CLDN16: variants seen among roughly 807,000 people sequenced by gnomAD.
CLDN16 encodes claudin-16.
A neutral mutation model predicts 24.6 loss-of-function variants in CLDN16; 13 were observed. The ratio of observed to expected loss-of-function variants is 0.53; its 90% CI spans 0.34 to 0.84. The LOEUF (loss-of-function observed/expected upper bound fraction) is 0.84. Among genes scored for constraint, CLDN16 ranks in the 40% least tolerant of loss-of-function variants. CLDN16 has a pLI of 0.01. For synonymous variants in CLDN16, 116 were observed against 106.7 expected, an observed-to-expected ratio of 1.09 and a Z score of -0.54; for missense variants, 298 against 292.7, an observed-to-expected ratio of 1.02 and a Z score of -0.13.
intron 1 of CLDN16, among the ~76,000 whole-genome samples, chr3:190,401,677 G>A (rs1037724639): frequency 4.6e-5 from 7 of 152,080 alleles, no homozygotes; most frequent in African/African-American, 1.4e-4. Context: ...GATTACAGTC[G>A]TCAAGTTGTA....
At chr3:190,300,174 C>T in the CLDN16 span, among the ~76,000 whole-genome samples, 1,262 of 151,352 alleles carry the variant, frequency 8.3e-3, 22 homozygotes, top group African/African-American at 0.03. Context: ...TGGGGGCGGG[C>T]AGTTTGCTGA....
rs977839144 is a variant in CLDN16, at chr3:190,359,626, T to C, written n.122-11267T>C. 2.6e-5 allele frequency among the ~76,000 whole-genome samples: 4 copies of C among 152,178 alleles called. No individual in the cohort carries two copies. The South Asian group carries it at 8.3e-4, about 32-fold the overall frequency. ...GGATATACAATGCTCAATAAAACCC[T>C]GTTCCTTACAGTCCAATGGTTGAGT... On this transcript the variant is annotated intron_variant and non_coding_transcript_variant, in intron 1 of 4. Transcript: ENST00000468220.
the CLDN16 span, among the ~76,000 whole-genome samples, chr3:190,295,142 G>T: frequency 1.3e-5 from 2 of 152,092 alleles, no homozygotes; most frequent in African/African-American, 4.8e-5. Flanking sequence ...TGCCTACTAA[G>T]TGCCAGGTAC....
chr3:190,324,281 G>A (rs1049962115), intron 1 of CLDN16, among the ~76,000 whole-genome samples: 1 of 152,156 alleles, frequency 6.6e-6, no homozygotes, highest in African/African-American at 2.4e-5. Flanking sequence ...TCAGGAGTTC[G>A]AGATCAGCCT....
chr3:190,321,442 G>A (rs1716918526), upstream of CLDN16, among the ~76,000 whole-genome samples: 1 of 152,086 alleles, frequency 6.6e-6, no homozygotes, highest in Non-Finnish European at 1.5e-5. Flanking sequence ...TCAACCTCAA[G>A]CATAAGCAGA....
the CLDN16 span, among the ~76,000 whole-genome samples, chr3:190,310,524 A>G: frequency 6.6e-6 from 1 of 152,214 alleles, no homozygotes; most frequent in Non-Finnish European, 1.5e-5. Context: ...ACAATTAGGC[A>G]GGTGTATGTT....
At chr3:190,364,234 A>G (rs905460173) in intron 1 of CLDN16, among the ~76,000 whole-genome samples, 13 of 151,908 alleles carry the variant, frequency 8.6e-5, no homozygotes, top group African/African-American at 2.9e-4. Context: ...AGTCTGGGCC[A>G]GATAATAGGA....
At chr3:190,361,279 G>T (rs1577409354) in intron 1 of CLDN16, among the ~76,000 whole-genome samples, 1 of 152,058 alleles carries the variant, frequency 6.6e-6, no homozygotes, top group Non-Finnish European at 1.5e-5. Flanking sequence ...ATCTCAGTTA[G>T]TCCTTAGTGA....
At chr3:190,313,653 C>A in the CLDN16 span, among the ~76,000 whole-genome samples, 1 of 152,100 alleles carries the variant, frequency 6.6e-6, no homozygotes, top group Non-Finnish European at 1.5e-5. Flanking sequence ...AACAAAATAA[C>A]CTTTGAGATG....
At chr3:190,340,615 C>G (rs1337965965) in intron 1 of CLDN16, among the ~76,000 whole-genome samples, 1 of 152,108 alleles carries the variant, frequency 6.6e-6, no homozygotes, top group African/African-American at 2.4e-5. Context: ...GGGACACAAC[C>G]AAACCATATC....
At chr3:190,334,557 T>C (rs1717256340) in intron 1 of CLDN16, among the ~76,000 whole-genome samples, 1 of 152,248 alleles carries the variant, frequency 6.6e-6, no homozygotes, top group Admixed American at 6.5e-5. Context: ...CCCCAGCAAC[T>C]GAATCTTTCC....
intron 1 of CLDN16, among the ~76,000 whole-genome samples, chr3:190,345,865 C>G (rs1234859385): frequency 6.6e-6 from 1 of 152,080 alleles, no homozygotes; most frequent in African/African-American, 2.4e-5. Context: ...ATGTTTATTA[C>G]TGTATTGATT....
At chr3:190,332,456 G>A (rs1487792146) in intron 1 of CLDN16, among the ~76,000 whole-genome samples, 1 of 152,170 alleles carries the variant, frequency 6.6e-6, no homozygotes, top group Non-Finnish European at 1.5e-5. Context: ...TTAAGTAGGA[G>A]TGTGGGATAA....
intron 1 of CLDN16, among the ~76,000 whole-genome samples, chr3:190,348,598 A>G (rs917007548): frequency 6.6e-6 from 1 of 152,208 alleles, no homozygotes; most frequent in Non-Finnish European, 1.5e-5. Context: ...CATTAAAATA[A>G]AAACTATGCC....
At chr3:190,347,143 G>A (rs1359890729) in intron 1 of CLDN16, among the ~76,000 whole-genome samples, 1 of 152,156 alleles carries the variant, frequency 6.6e-6, no homozygotes, top group Non-Finnish European at 1.5e-5. Context: ...TGGCAGAGAC[G>A]ATTGACAGAG....
chr3:190,357,258 A>G (rs565937748), intron 1 of CLDN16, among the ~76,000 whole-genome samples: 1 of 152,058 alleles, frequency 6.6e-6, no homozygotes, highest in South Asian at 2.1e-4. Context: ...AAACTTGCAG[A>G]TCTGGGATCA....
At chr3:190,385,716 G>A (rs908275928), upstream of CLDN16, among the ~76,000 whole-genome samples, 9 of 152,084 alleles carry the variant, frequency 5.9e-5, no homozygotes, top group African/African-American at 1.9e-4. Flanking sequence ...ACCTATTGGT[G>A]CTAGTTAGGG....
the CLDN16 span, chr3:190,308,406 C>A: frequency 1.9e-6 from 3 of 1,613,588 alleles, no homozygotes; most frequent in Non-Finnish European, 2.5e-6. Context: ...AAGCAGCAGC[C>A]CAGCCAGTGA....
chr3:190,357,791 C>A (rs1717807920), intron 1 of CLDN16, among the ~76,000 whole-genome samples: 1 of 151,944 alleles, frequency 6.6e-6, no homozygotes, highest in South Asian at 2.1e-4. Flanking sequence ...CAAACCACAG[C>A]CTGCCTAAAG....
Sources: allele counts gnomAD v4.1 joint callset (sites outside exome capture counted in the v4.1 genomes callset), GRCh38; gene constraint gnomAD v4.1.1; transcripts MANE v1.5; gene names NCBI Gene and HGNC (gene_info 2026-07-23, HGNC 2026-07-21).